MBTD1: variants seen among roughly 807,000 people sequenced by gnomAD.
MBTD1 encodes the protein mbt domain containing 1.
A neutral mutation model predicts 87.8 loss-of-function variants in MBTD1; 24 were observed. The observed-to-expected ratio is 0.27, with a 90% CI of 0.20 to 0.38. The LOEUF is 0.38. Among genes scored for constraint, MBTD1 ranks in the 10% least tolerant of loss-of-function variants. The probability of loss-of-function intolerance (pLI) is 1.00; values close to 1 mark genes in which losing one functional copy is unlikely to be tolerated. For missense variants in MBTD1, 436 were observed against 760.2 expected (o/e 0.57, Z 5.02); for synonymous variants, 237 against 248.6 (o/e 0.95, Z 0.44).
Position 51,193,126 on chromosome 17 carries a change from T to A in MBTD1, c.1456-110A>T. On this transcript the variant is annotated intron_variant, in intron 14 of 16. Coordinates refer to ENST00000586178, the MANE Select transcript of MBTD1 (RefSeq NM_017643.3). ...AGCGACTAGCTAAATAACATAATTATAAACCATAAATTCCAAATAATTCTT... is the reference window on the plus strand; with the variant it reads ...AGCGACTAGCTAAATAACATAATTAAAAACCATAAATTCCAAATAATTCTT... 6.8e-6 allele frequency: 5 copies of A among 739,284 alleles called. No individual in the cohort carries two copies. The South Asian group carries it at 8.9e-5, about 13-fold the overall frequency. 45.8% of individuals were successfully genotyped at this position (739,284 alleles called of 1,614,324 possible). A position where few individuals can be genotyped will look rare whatever the true frequency, so the allele number is the denominator to read the frequency against.
At chr17:51,195,605 A>G (rs534916252) in intron 12 of MBTD1, among the ~76,000 whole-genome samples, 48 of 152,340 alleles carry the variant, frequency 3.2e-4, no homozygotes, top group African/African-American at 1.1e-3. Flanking sequence ...TGGGAAAAGC[A>G]GTGCGTTTGA....
chr17:51,198,693 T>C (rs888302192), intron 12 of MBTD1, among the ~76,000 whole-genome samples: 1 of 152,208 alleles, frequency 6.6e-6, no homozygotes, highest in Non-Finnish European at 1.5e-5. Context: ...GAAAGGATCC[T>C]CCCAGCTCAG....
intron 2 of MBTD1, among the ~76,000 whole-genome samples, chr17:51,239,208 GT>G (rs934237427): frequency 2.0e-5 from 3 of 151,900 alleles, no homozygotes; most frequent in Non-Finnish European, 4.4e-5. Flanking sequence ...AATAAAAACA[GT>G]TTAGGGGATA....
intron 3 of MBTD1, 130 bp downstream of exon 3, chr17:51,224,878 G>C (rs1345418351): frequency 2.0e-6 from 1 of 505,548 alleles, no homozygotes; most frequent in African/African-American, 2.0e-5. Context: ...ATCTTATCTC[G>C]AATTATAAAC....
At chr17:51,181,153 A>G (rs1287543179) in intron 16 of MBTD1, among the ~76,000 whole-genome samples, 3 of 151,614 alleles carry the variant, frequency 2.0e-5, no homozygotes, top group Non-Finnish European at 4.4e-5. Context: ...CGCCCCCCCA[A>G]GTAGGTGGGA....
rs35269451 is a variant in MBTD1, at chr17:51,198,057, G to A, written c.1225-2696C>T. On this transcript the variant is annotated intron_variant, in intron 12 of 16. Coordinates refer to ENST00000586178, the MANE Select transcript of MBTD1 (RefSeq NM_017643.3). ...GAGTTTGCCTCTCTTCCAGTGTCTC[G>A]GTCCAGCATTTTATCCGCATGCTGA... 1.4e-4 allele frequency among the ~76,000 whole-genome samples: 21 copies of A among 151,910 alleles called. No individual in the cohort carries two copies. The East Asian group carries it at 2.7e-3, about 20-fold the overall frequency.
At chr17:51,208,213 G>A (rs148296752) in intron 6 of MBTD1, among the ~76,000 whole-genome samples, 3 of 152,196 alleles carry the variant, frequency 2.0e-5, no homozygotes, top group Admixed American at 1.3e-4. Context: ...GTCAAATACT[G>A]AAGTTGGATA....
At chr17:51,247,579 G>A (rs1316047894) in intron 2 of MBTD1, among the ~76,000 whole-genome samples, 1 of 151,724 alleles carries the variant, frequency 6.6e-6, no homozygotes, top group East Asian at 1.9e-4. Context: ...CTCCCAAGTA[G>A]CTGGGACTAT....
intron 16 of MBTD1, chr17:51,185,706 G>A (rs1379049712): frequency 6.6e-6 from 1 of 152,038 alleles, no homozygotes. Context: ...CCCACGTCAA[G>A]TCACATACAA....
At chr17:51,199,683 G>GC (rs1000021075) in intron 12 of MBTD1, among the ~76,000 whole-genome samples, 20 of 151,922 alleles carry the variant, frequency 1.3e-4, no homozygotes, top group East Asian at 1.2e-3. Context: ...CTTGTGATTC[G>GC]CCCCCCTCGG....
At chr17:51,239,612 G>A (rs914635993) in intron 2 of MBTD1, among the ~76,000 whole-genome samples, 8 of 151,908 alleles carry the variant, frequency 5.3e-5, no homozygotes, top group African/African-American at 2.4e-5. Flanking sequence ...TATTACTTTG[G>A]GCCAGAAAAT....
At chr17:51,192,471 CA>C (rs2050859463) in intron 15 of MBTD1, 191 bp from the exon 16 acceptor site, 1 of 629,028 alleles carries the variant, frequency 1.6e-6, no homozygotes. Context: ...ACTATTTACT[CA>C]AAAGCATTTA....
chr17:51,219,406 T>C (rs542237044), intron 4 of MBTD1, among the ~76,000 whole-genome samples: 9 of 152,210 alleles, frequency 5.9e-5, no homozygotes, highest in Admixed American at 2.6e-4. Flanking sequence ...CAAGCATTGC[T>C]ATTTATATGG....
chr17:51,188,180 T>A (rs2050634182), intron 16 of MBTD1, among the ~76,000 whole-genome samples: 1 of 152,206 alleles, frequency 6.6e-6, no homozygotes, highest in Non-Finnish European at 1.5e-5. Flanking sequence ...CTTACAGTAG[T>A]CCCTGAAAAT....
At chr17:51,182,592 G>A (rs1277790423) in intron 16 of MBTD1, among the ~76,000 whole-genome samples, 3 of 152,000 alleles carry the variant, frequency 2.0e-5, no homozygotes, top group Admixed American at 2.0e-4. Flanking sequence ...CCTGAATCTG[G>A]GCAGCCTGAG....
At chr17:51,244,053 T>C (rs1237790954) in intron 2 of MBTD1, among the ~76,000 whole-genome samples, 1 of 152,216 alleles carries the variant, frequency 6.6e-6, no homozygotes, top group Admixed American at 6.5e-5. Flanking sequence ...AGTTTTCCAC[T>C]GTATACTACG....
chr17:51,181,143 C>T (rs1471819552), intron 16 of MBTD1, among the ~76,000 whole-genome samples: 8 of 151,822 alleles, frequency 5.3e-5, no homozygotes, highest in Admixed American at 2.0e-4. Flanking sequence ...GCCTCAGCAC[C>T]GCCCCCCCAA....
chr17:51,254,993 T>C (rs961973741), intron 2 of MBTD1, among the ~76,000 whole-genome samples: 7 of 152,128 alleles, frequency 4.6e-5, no homozygotes, highest in Admixed American at 3.9e-4. Flanking sequence ...TATGTTAACA[T>C]AGAGACGGGC....
chr17:51,200,046 T>G (rs1278965596), intron 12 of MBTD1, among the ~76,000 whole-genome samples: 1 of 152,152 alleles, frequency 6.6e-6, no homozygotes, highest in Non-Finnish European at 1.5e-5. Context: ...AGGATGGTCT[T>G]GATATCCTGA....
Sources: gnomAD v4.1 joint callset for allele counts (sites outside exome capture counted in the v4.1 genomes callset) on GRCh38, gnomAD v4.1.1 for gene constraint, MANE v1.5 for transcripts, NCBI Gene and HGNC (gene_info 2026-07-23, HGNC 2026-07-21) for gene names.